TMEM181: variants seen among roughly 807,000 people sequenced by gnomAD.
The protein encoded by TMEM181 is transmembrane protein 181.
Under a neutral mutation model 71.9 loss-of-function variants are expected in TMEM181, and 39 were observed. The ratio of observed to expected loss-of-function variants is 0.54; its 90% CI spans 0.42 to 0.71. The LOEUF (loss-of-function observed/expected upper bound fraction) is 0.71, where lower values mean the gene tolerates loss of function less well. Among genes scored for constraint, TMEM181 ranks in the 30% least tolerant of loss-of-function variants. TMEM181 has a pLI of 0.00. For synonymous variants in TMEM181, 245 were observed against 228.8 expected (o/e 1.07, Z -0.64); for missense variants, 595 against 583.0 (o/e 1.02, Z -0.21).
intron 1 of TMEM181, among the ~76,000 whole-genome samples, chr6:158,554,356 G>A (rs1489536552): frequency 6.6e-6 from 1 of 152,168 alleles, no homozygotes; most frequent in African/African-American, 2.4e-5. Flanking sequence ...AAAGTGCTGG[G>A]ATTACAGGCG....
At chr6:158,631,666 C>T (rs1406687879) in intron 16 of TMEM181, 144 bp from the exon 17 acceptor site, 18 of 962,888 alleles carry the variant, frequency 1.9e-5, no homozygotes, top group Middle Eastern at 2.1e-4. Flanking sequence ...GAGAGGAGGA[C>T]GGGGTGAGCA....
chr6:158,544,461 C>G (rs1056585342), intron 1 of TMEM181, among the ~76,000 whole-genome samples: 2 of 151,808 alleles, frequency 1.3e-5, no homozygotes, highest in Non-Finnish European at 2.9e-5. Flanking sequence ...GACAGATGAG[C>G]CGTCTGCTGG....
chr6:158,555,797 A>C (rs945850726), upstream of TMEM181, among the ~76,000 whole-genome samples: 3 of 152,188 alleles, frequency 2.0e-5, no homozygotes, highest in African/African-American at 7.2e-5. Flanking sequence ...AGCGAATGTC[A>C]GGAGTTTGGA....
chr6:158,625,221 C>G lies in TMEM181; in HGVS notation c.1057+15C>G. On this transcript the variant is annotated intron_variant, in intron 12 of 16. Coordinates refer to ENST00000684151, the MANE Select transcript of TMEM181 (RefSeq NM_001376852.1). ...GCCTTATGTGGGTAAGTGCTCCTTTCAGAATCGGTGCAGGGGTGGCTTGGG... is the reference window on the plus strand; with the variant it reads ...GCCTTATGTGGGTAAGTGCTCCTTTGAGAATCGGTGCAGGGGTGGCTTGGG... 4 of 1,610,956 alleles carry G rather than the reference C, an allele frequency of 2.5e-6. No individual in the cohort carries two copies. Among genetic ancestry groups the G allele is most frequent in the Non-Finnish European group, 3.4e-6 (4 of 1,177,238 alleles).
chr6:158,603,921 T>C (rs983777040), intron 6 of TMEM181, among the ~76,000 whole-genome samples: 2 of 152,224 alleles, frequency 1.3e-5, no homozygotes, highest in African/African-American at 4.8e-5. Context: ...CGTTGTTAAT[T>C]TCCTTGGAAA....
At chr6:158,552,124 G>C (rs187273713) in intron 1 of TMEM181, among the ~76,000 whole-genome samples, 14 of 152,280 alleles carry the variant, frequency 9.2e-5, no homozygotes, top group Non-Finnish European at 1.0e-4. Context: ...AATTTAAAAA[G>C]CTTAACCCTT....
intron 6 of TMEM181, among the ~76,000 whole-genome samples, chr6:158,600,958 C>T (rs185411423): frequency 1.5e-3 from 224 of 152,138 alleles, no homozygotes; most frequent in African/African-American, 5.0e-3. Flanking sequence ...GTGTTTTTTT[C>T]TGATGGTAGC....
chr6:158,577,538 C>G (rs1292472344), intron 2 of TMEM181, among the ~76,000 whole-genome samples: 2 of 152,128 alleles, frequency 1.3e-5, no homozygotes, highest in African/African-American at 4.8e-5. Context: ...ATATTTCAAG[C>G]GGTGATGACT....
chr6:158,573,734 A>G (rs1032032694), intron 2 of TMEM181, among the ~76,000 whole-genome samples: 1 of 152,044 alleles, frequency 6.6e-6, no homozygotes, highest in African/African-American at 2.4e-5. Context: ...GCCCCGAGTG[A>G]CCCTGGCCAT....
At chr6:158,547,120 A>G (rs939803983) in intron 1 of TMEM181, among the ~76,000 whole-genome samples, 1 of 152,306 alleles carries the variant, frequency 6.6e-6, no homozygotes, top group South Asian at 2.1e-4. Context: ...CATCTCTACA[A>G]AAAACACAGG....
intron 6 of TMEM181, among the ~76,000 whole-genome samples, chr6:158,603,792 T>C (rs1431510580): frequency 6.6e-6 from 1 of 152,214 alleles, no homozygotes; most frequent in African/African-American, 2.4e-5. Flanking sequence ...GTTGTTTTTT[T>C]CCTCATATGG....
At chr6:158,553,812 CTT>C (rs1157030855) in intron 1 of TMEM181, among the ~76,000 whole-genome samples, 1 of 152,198 alleles carries the variant, frequency 6.6e-6, no homozygotes, top group African/African-American at 2.4e-5. Flanking sequence ...CAAGTTGGCA[CTT>C]AATGTCATTA....
At chr6:158,616,123 A>G (rs1785597890) in intron 10 of TMEM181, among the ~76,000 whole-genome samples, 3 of 152,136 alleles carry the variant, frequency 2.0e-5, no homozygotes. Context: ...TGAGCATGGA[A>G]TGTTCTTCCA....
At chr6:158,628,165 TC>T (rs1786439162) in intron 13 of TMEM181, 1 of 667,678 alleles carries the variant, frequency 1.5e-6, no homozygotes, top group Non-Finnish European at 2.8e-6. Context: ...GTTCATCCTG[TC>T]CCTGCAGCCG....
intron 1 of TMEM181, among the ~76,000 whole-genome samples, chr6:158,560,641 C>T (rs1267353168): frequency 1.3e-5 from 2 of 152,206 alleles, no homozygotes; most frequent in East Asian, 1.9e-4. Context: ...CCCCGTCGTC[C>T]CCTCGGTATC....
At chr6:158,624,431 G>T (rs537959903) in intron 11 of TMEM181, among the ~76,000 whole-genome samples, 2 of 152,236 alleles carry the variant, frequency 1.3e-5, no homozygotes, top group African/African-American at 2.4e-5. Context: ...GGAAAGGGGT[G>T]GGGGGATGGC....
chr6:158,537,018 C>T (rs1317267242), intron 1 of TMEM181, among the ~76,000 whole-genome samples: 1 of 143,380 alleles, frequency 7.0e-6, no homozygotes, highest in Non-Finnish European at 1.5e-5. Context: ...GGGGTCGGGG[C>T]GGGGATCTGG....
At chr6:158,610,977 C>A in intron 10 of TMEM181, 1 of 408,080 alleles carries the variant, frequency 2.5e-6, no homozygotes, top group Non-Finnish European at 4.8e-6. Flanking sequence ...CAGATCAGAC[C>A]AGTTGCTTCC....
chr6:158,628,567 CT>C (rs1432353550), intron 14 of TMEM181, 77 bp downstream of exon 14: 2 of 1,345,668 alleles, frequency 1.5e-6, no homozygotes, highest in African/African-American at 2.9e-5. Flanking sequence ...AGATTTGCCC[CT>C]CTCAAGAGGA....
Sources: allele counts gnomAD v4.1 joint callset (sites outside exome capture counted in the v4.1 genomes callset), GRCh38; gene constraint gnomAD v4.1.1; transcripts MANE v1.5; gene names NCBI Gene and HGNC (gene_info 2026-07-23, HGNC 2026-07-21).